GALNT13: variants seen among roughly 807,000 people sequenced by gnomAD.
GALNT13 encodes the protein UDP-GalNAc:polypeptide N-acetylgalactosaminyltransferase 13.
A neutral mutation model predicts 64.2 loss-of-function variants in GALNT13; 28 were observed. That is an observed-to-expected ratio of 0.44 (90% CI 0.32 to 0.60). The LOEUF (loss-of-function observed/expected upper bound fraction) is 0.60, where lower values mean the gene tolerates loss of function less well. Ranked by LOEUF, GALNT13 falls within the 20% of genes least tolerant of loss-of-function variation. The probability of loss-of-function intolerance (pLI) is 0.05; values close to 1 mark genes in which losing one functional copy is unlikely to be tolerated. For synonymous variants in GALNT13, 214 were observed against 224.6 expected (o/e 0.95, Z 0.42); for missense variants, 577 against 669.8 (o/e 0.86, Z 1.53).
the GALNT13 span, among the ~76,000 whole-genome samples, chr2:153,645,373 AT>A: frequency 6.6e-6 from 1 of 152,060 alleles, no homozygotes; most frequent in Non-Finnish European, 1.5e-5. Flanking sequence ...AACATAGTTG[AT>A]TTTTTTCTGT....
At chr2:153,121,126 A>C in the GALNT13 span, among the ~76,000 whole-genome samples, 2 of 152,210 alleles carry the variant, frequency 1.3e-5, no homozygotes, top group Non-Finnish European at 2.9e-5. Flanking sequence ...AGCCCAGTGC[A>C]TCTAGCATTA....
the GALNT13 span, among the ~76,000 whole-genome samples, chr2:153,398,143 A>T: frequency 4.1e-5 from 6 of 146,784 alleles, no homozygotes; most frequent in Non-Finnish European, 8.9e-5. Flanking sequence ...TCATTGTTCA[A>T]TTCCCACCTA....
At chr2:153,199,687 C>A in the GALNT13 span, among the ~76,000 whole-genome samples, 1 of 152,006 alleles carries the variant, frequency 6.6e-6, no homozygotes, top group Non-Finnish European at 1.5e-5. Flanking sequence ...ATATAAGATA[C>A]GATTGGAAGA....
chr2:153,514,741 C>T, the GALNT13 span, among the ~76,000 whole-genome samples: 1 of 152,176 alleles, frequency 6.6e-6, no homozygotes, highest in East Asian at 1.9e-4. Context: ...ATAAGGGACA[C>T]TCAGATGCTT....
the GALNT13 span, among the ~76,000 whole-genome samples, chr2:153,513,786 C>T: frequency 6.6e-6 from 1 of 152,144 alleles, no homozygotes; most frequent in African/African-American, 2.4e-5. Flanking sequence ...CTTCTCATTT[C>T]CTAACCCGGA....
chr2:154,256,810 G>C (rs902049937), intron 7 of GALNT13, among the ~76,000 whole-genome samples: 29 of 151,764 alleles, frequency 1.9e-4, no homozygotes, highest in African/African-American at 6.8e-4. Context: ...TCAATTGACT[G>C]TTTGGTTGCT....
At chr2:154,053,620 T>G (rs889410339) in intron 3 of GALNT13, among the ~76,000 whole-genome samples, 7 of 152,220 alleles carry the variant, frequency 4.6e-5, no homozygotes, top group Non-Finnish European at 8.8e-5. Flanking sequence ...TAAGCTCCTA[T>G]GATGAAATAT....
chr2:153,321,671 G>C, the GALNT13 span, among the ~76,000 whole-genome samples: 1 of 152,108 alleles, frequency 6.6e-6, no homozygotes, highest in East Asian at 1.9e-4. Flanking sequence ...TATCTAACCA[G>C]TATCTACCTC....
At chr2:154,055,718 C>A (rs1443380920) in intron 3 of GALNT13, among the ~76,000 whole-genome samples, 1 of 152,018 alleles carries the variant, frequency 6.6e-6, no homozygotes, top group African/African-American at 2.4e-5. Context: ...CAAAGGCAAG[C>A]CAGTATCCAG....
At chr2:153,840,402 T>A in the GALNT13 span, among the ~76,000 whole-genome samples, 1 of 152,106 alleles carries the variant, frequency 6.6e-6, no homozygotes, top group Non-Finnish European at 1.5e-5. Flanking sequence ...GAGAATCAGG[T>A]CATTCTGTTG....
At chr2:154,053,105 G>A (rs1219066380) in intron 3 of GALNT13, among the ~76,000 whole-genome samples, 1 of 152,112 alleles carries the variant, frequency 6.6e-6, no homozygotes, top group East Asian at 1.9e-4. Context: ...TCCCACAGCT[G>A]ATGTAATTTG....
chr2:153,964,735 T>C (rs1379019912), intron 3 of GALNT13, among the ~76,000 whole-genome samples: 6 of 151,920 alleles, frequency 3.9e-5, no homozygotes, highest in Non-Finnish European at 8.8e-5. Context: ...ATATTCATTG[T>C]AGAAAAAAAT....
intron 8 of GALNT13, among the ~76,000 whole-genome samples, chr2:154,289,240 CAAG>C (rs1692461085): frequency 6.6e-6 from 1 of 152,186 alleles, no homozygotes; most frequent in South Asian, 2.1e-4. Flanking sequence ...CACCAAGTCC[CAAG>C]ACTGCATAAA....
In GALNT13 at chr2:153,947,571, C is replaced by G. The variant is rs566086353; in HGVS notation, c.142+2932C>G. Among the ~76,000 whole-genome samples, 9 of 151,336 alleles carry G rather than the reference C, an allele frequency of 5.9e-5. No individual in the cohort carries two copies. The South Asian group carries it at 1.9e-3, about 32-fold the overall frequency. ...ATTTGTTTTAAGTCCCTTATAGATG[C>G]AGGATATTAGACCTTTGTCAGATGC... On this transcript the variant is annotated intron_variant, in intron 3 of 12. Coordinates refer to ENST00000392825, the MANE Select transcript of GALNT13 (RefSeq NM_052917.4).
chr2:153,755,198 GTGTT>G, the GALNT13 span, among the ~76,000 whole-genome samples: 7 of 152,106 alleles, frequency 4.6e-5, no homozygotes, highest in Non-Finnish European at 7.4e-5. Flanking sequence ...CTGTTCGTTT[GTGTT>G]TGTTTGTTTT....
chr2:153,511,778 G>T, the GALNT13 span, among the ~76,000 whole-genome samples: 10 of 152,164 alleles, frequency 6.6e-5, no homozygotes, highest in Admixed American at 5.9e-4. Flanking sequence ...TGAGTATAAA[G>T]AAGTATTTAT....
chr2:154,027,278 T>C (rs1698037823), intron 3 of GALNT13, among the ~76,000 whole-genome samples: 1 of 152,186 alleles, frequency 6.6e-6, no homozygotes, highest in African/African-American at 2.4e-5. Context: ...ATCACTGTTC[T>C]GTGTTACATT....
the GALNT13 span, among the ~76,000 whole-genome samples, chr2:153,581,466 A>T: frequency 4.1e-4 from 63 of 152,224 alleles, no homozygotes; most frequent in African/African-American, 1.4e-3. Flanking sequence ...TCAAAAGGAA[A>T]ATAAAAGCTG....
the GALNT13 span, among the ~76,000 whole-genome samples, chr2:153,581,125 T>C: frequency 6.6e-6 from 1 of 152,116 alleles, no homozygotes; most frequent in Non-Finnish European, 1.5e-5. Context: ...TGCTTGTACC[T>C]TAGTTTTGAA....
Sources: allele counts gnomAD v4.1 joint callset (sites outside exome capture counted in the v4.1 genomes callset), GRCh38; gene constraint gnomAD v4.1.1; transcripts MANE v1.5; gene names NCBI Gene and HGNC (gene_info 2026-07-23, HGNC 2026-07-21).